LRP1B: variants seen among roughly 807,000 people sequenced by gnomAD.
LRP1B encodes low-density lipoprotein receptor-related protein 1B.
In LRP1B, 217 loss-of-function variants were observed where a neutral mutation model predicts 556.6. That is an observed-to-expected ratio of 0.39 (90% CI 0.35 to 0.44). The LOEUF (loss-of-function observed/expected upper bound fraction) is 0.44, where lower values mean the gene tolerates loss of function less well. LRP1B is among the 20% of genes least tolerant of loss of function. LRP1B has a pLI of 1.00. For synonymous variants in LRP1B, 2,047 were observed against 1,865.8 expected (o/e 1.10, Z -2.50); for missense variants, 5,053 against 5,620.8 (o/e 0.90, Z 3.23).
At chr2:140,521,911 G>GA (rs1427780069) in intron 49 of LRP1B, among the ~76,000 whole-genome samples, 2 of 151,678 alleles carry the variant, frequency 1.3e-5, no homozygotes, top group East Asian at 1.9e-4. Context: ...AACAACAGTA[G>GA]AAAAAAATAA....
intron 66 of LRP1B, among the ~76,000 whole-genome samples, chr2:140,400,516 A>G (rs1351224195): frequency 6.6e-6 from 1 of 152,156 alleles, no homozygotes; most frequent in Non-Finnish European, 1.5e-5. Flanking sequence ...CTGTATTCAT[A>G]TCTTTGTGGG....
chr2:140,783,139 T>C (rs572360344), intron 32 of LRP1B, among the ~76,000 whole-genome samples: 1 of 152,200 alleles, frequency 6.6e-6, no homozygotes, highest in African/African-American at 2.4e-5. Context: ...ATTTTAGAAT[T>C]ATAATTATTA....
intron 1 of LRP1B, among the ~76,000 whole-genome samples, chr2:141,915,335 T>A (rs7571701): frequency 0.85 from 129,484 of 151,954 alleles, 55,404 homozygotes; most frequent in East Asian, 1. Flanking sequence ...TATACAACAA[T>A]ACAGCATACA....
intron 2 of LRP1B, among the ~76,000 whole-genome samples, chr2:141,694,128 T>C (rs1037366810): frequency 6.6e-5 from 10 of 152,170 alleles, no homozygotes; most frequent in Admixed American, 3.9e-4. Context: ...TTCTCCTCCC[T>C]CCTCCTCTCC....
At chr2:141,167,489 C>T (rs1284698446) in intron 7 of LRP1B, 1 of 151,634 alleles carries the variant, frequency 6.6e-6, no homozygotes, top group Non-Finnish European at 1.5e-5. Context: ...AAAAGTTCTT[C>T]ATTTCTTCTT....
At position 140,700,600 on chromosome 2, in the gene LRP1B, T is replaced by A. The variant is rs755390404; in HGVS notation, c.6449A>T (p.Asp2150Val). ...REKGTNVCAR[D>V]NGGCKQLCLY... The stretch of plus-strand genomic sequence containing the variant: ...ACAGAGTTGCTTACAGCCACCATTG[T>A]CCCTGGCACAAACATTGGTCCCTAA... Residue 2150 changes from aspartate to valine, a missense_variant, in exon 41 of 91, where the codon GAC becomes GTC. Asp to Val is a radical substitution (Grantham distance 152, BLOSUM62 -3). Coordinates refer to ENST00000389484, the MANE Select transcript of LRP1B (RefSeq NM_018557.3). The A allele has an allele frequency of 1.2e-6, 2 of 1,613,526 alleles. No individual in the cohort carries two copies. Among genetic ancestry groups the A allele is most frequent in the Non-Finnish European group, 1.7e-6 (2 of 1,179,586 alleles).
rs971648573 is a variant in LRP1B at position 141,672,644 on chromosome 2, G to A, written c.205+137635C>T. On this transcript the variant is annotated intron_variant, in intron 2 of 90. Transcript: ENST00000389484. ...TCTAAATCTGGGAAGCCTGCACAATGTTCTACAGAGAAGCTTAACCTGTGG... is the reference window on the plus strand; with the variant it reads ...TCTAAATCTGGGAAGCCTGCACAATATTCTACAGAGAAGCTTAACCTGTGG... 5.3e-5 allele frequency among the ~76,000 whole-genome samples: 8 copies of A among 152,150 alleles called. No individual in the cohort carries two copies. In the South Asian group the frequency reaches 8.3e-4, roughly 16 times the overall value.
chr2:140,621,315 G>A (rs1234310641), intron 41 of LRP1B, among the ~76,000 whole-genome samples: 1 of 149,440 alleles, frequency 6.7e-6, no homozygotes, highest in African/African-American at 2.5e-5. Flanking sequence ...GAACTCAGGA[G>A]CAGAGGTTGC....
Position 142,077,028 on chromosome 2 carries a change from T to G in LRP1B, c.82+53620A>C, listed in dbSNP as rs552585465. On this transcript the variant is annotated intron_variant, in intron 1 of 90. Coordinates refer to ENST00000389484, the MANE Select transcript of LRP1B (RefSeq NM_018557.3). Reference sequence around the variant, plus strand: ...CTACCCTACACTAACACCAAAACATTTATTAACTCTAAGATAATATATGAA... The same window carrying G: ...CTACCCTACACTAACACCAAAACATGTATTAACTCTAAGATAATATATGAA... Among the ~76,000 whole-genome samples, 23 of 152,170 alleles carry G rather than the reference T, an allele frequency of 1.5e-4. No individual in the cohort carries two copies. In the East Asian group the frequency reaches 4.3e-3, roughly 28 times the overall value.
chr2:141,235,539 A>C (rs1683619316), intron 5 of LRP1B, among the ~76,000 whole-genome samples: 1 of 152,106 alleles, frequency 6.6e-6, no homozygotes. Context: ...TTCAATATGC[A>C]GAGATGGATA....
intron 66 of LRP1B, among the ~76,000 whole-genome samples, chr2:140,394,757 A>C (rs1005176997): frequency 6.6e-6 from 1 of 152,208 alleles, no homozygotes; most frequent in African/African-American, 2.4e-5. Flanking sequence ...GAAACAGGCA[A>C]TTAGAAGTTT....
intron 71 of LRP1B, among the ~76,000 whole-genome samples, chr2:140,367,100 A>T (rs966646876): frequency 6.6e-6 from 1 of 151,662 alleles, no homozygotes; most frequent in African/African-American, 2.4e-5. Context: ...CAGATTTGCT[A>T]GTTTGGTGGC....
chr2:141,454,913 C>A (rs1338295839), intron 3 of LRP1B, among the ~76,000 whole-genome samples: 2 of 152,176 alleles, frequency 1.3e-5, no homozygotes, highest in Admixed American at 6.5e-5. Context: ...TAGGAAAATT[C>A]TCTTCTGGCA....
At chr2:141,841,898 C>T (rs1697489656) in intron 1 of LRP1B, among the ~76,000 whole-genome samples, 1 of 152,048 alleles carries the variant, frequency 6.6e-6, no homozygotes, top group African/African-American at 2.4e-5. Context: ...AATGTAAGTA[C>T]AATTAATGAT....
intron 59 of LRP1B, among the ~76,000 whole-genome samples, chr2:140,476,962 A>G (rs925002726): frequency 6.6e-6 from 1 of 152,068 alleles, no homozygotes; most frequent in Admixed American, 6.5e-5. Flanking sequence ...AGCCCCTCAA[A>G]AAATGATGCT....
At chr2:141,529,939 G>T (rs1269566108) in intron 2 of LRP1B, among the ~76,000 whole-genome samples, 1 of 152,042 alleles carries the variant, frequency 6.6e-6, no homozygotes, top group Non-Finnish European at 1.5e-5. Flanking sequence ...CAAAACTACT[G>T]CATAAGATCT....
intron 1 of LRP1B, among the ~76,000 whole-genome samples, chr2:142,093,658 C>T (rs994477876): frequency 6.6e-5 from 10 of 151,864 alleles, no homozygotes; most frequent in African/African-American, 1.2e-4. Context: ...TGTGCATGTG[C>T]GTGGGTTTTA....
intron 32 of LRP1B, among the ~76,000 whole-genome samples, chr2:140,794,356 C>T (rs1221313030): frequency 6.6e-6 from 1 of 151,968 alleles, no homozygotes; most frequent in African/African-American, 2.4e-5. Flanking sequence ...TTCACTAGAT[C>T]TCTCATAAAC....
intron 1 of LRP1B, among the ~76,000 whole-genome samples, chr2:142,058,773 C>A (rs1444122703): frequency 2.0e-5 from 3 of 151,970 alleles, no homozygotes; most frequent in Non-Finnish European, 2.9e-5. Context: ...AAGATAAATA[C>A]CTCAAACCTT....
Sources: gnomAD v4.1 joint callset for allele counts (sites outside exome capture counted in the v4.1 genomes callset) on GRCh38, gnomAD v4.1.1 for gene constraint, MANE v1.5 for transcripts, NCBI Gene and HGNC (gene_info 2026-07-23, HGNC 2026-07-21) for gene names.